Variants in PDE4D observed in about 807,000 individuals in gnomAD.
PDE4D encodes the protein phosphodiesterase 4D, also known as 3',5'-cyclic-AMP phosphodiesterase 4D.
PDE4D carries 24 observed loss-of-function variants against 87.4 expected under a neutral mutation model. The observed-to-expected ratio is 0.27, with a 90% confidence interval of 0.20 to 0.39. PDE4D has a LOEUF of 0.39. Ranked by LOEUF, PDE4D falls within the 10% of genes least tolerant of loss-of-function variation. PDE4D has a pLI of 1.00. For missense variants in PDE4D, 714 were observed against 1,041.0 expected (o/e 0.69, Z 4.32); for synonymous variants, 384 against 383.2 (o/e 1.00, Z -0.02).
At chr5:59,220,703 T>C (rs1210180517) in intron 1 of PDE4D, among the ~76,000 whole-genome samples, 1 of 151,958 alleles carries the variant, frequency 6.6e-6, no homozygotes, top group African/African-American at 2.4e-5. Flanking sequence ...ATTTTATCAA[T>C]AGTCCACATC....
intron 1 of PDE4D, among the ~76,000 whole-genome samples, chr5:59,365,762 T>C (rs1782942933): frequency 6.6e-6 from 1 of 152,266 alleles, no homozygotes; most frequent in South Asian, 2.1e-4. Context: ...CCAGCAAGAA[T>C]CTTACCTCGG....
At chr5:59,180,762 C>T (rs892788224) in intron 4 of PDE4D, 118 bp from the exon 5 acceptor site, 55 of 969,210 alleles carry the variant, frequency 5.7e-5, no homozygotes, top group African/African-American at 4.7e-4. Flanking sequence ...AGTTTGGACA[C>T]GCAAATGATT....
intron 5 of PDE4D, among the ~76,000 whole-genome samples, chr5:59,098,697 CAAAA>C (rs3061415): frequency 2.5e-4 from 17 of 66,994 alleles, no homozygotes; most frequent in African/African-American, 1.0e-3. Flanking sequence ...GAGAAAGACT[CAAAA>C]AAAAAAAAAA....
intron 1 of PDE4D, among the ~76,000 whole-genome samples, chr5:59,368,507 G>A (rs938484237): frequency 2.0e-5 from 3 of 152,152 alleles, no homozygotes; most frequent in African/African-American, 7.2e-5. Context: ...AAGAATTAGA[G>A]ACATTTGGTG....
chr5:60,023,142 A>G (rs903272722), intron 2 of PDE4D, among the ~76,000 whole-genome samples: 5 of 152,164 alleles, frequency 3.3e-5, no homozygotes, highest in African/African-American at 7.2e-5. Context: ...CAAAATATGA[A>G]TAATAATAGC....
intron 5 of PDE4D, among the ~76,000 whole-genome samples, chr5:59,152,068 A>G (rs1449501865): frequency 6.6e-6 from 1 of 152,190 alleles, no homozygotes; most frequent in Non-Finnish European, 1.5e-5. Flanking sequence ...TGGAATCTGA[A>G]ATATAACTGC....
chr5:60,230,985 T>G (rs1309492106), intron 1 of PDE4D, among the ~76,000 whole-genome samples: 2 of 152,084 alleles, frequency 1.3e-5, no homozygotes, highest in Admixed American at 1.3e-4. Context: ...ACATGGAGAA[T>G]GCAGTGATGA....
At chr5:59,262,491 G>C (rs1365679146) in intron 1 of PDE4D, among the ~76,000 whole-genome samples, 1 of 151,622 alleles carries the variant, frequency 6.6e-6, no homozygotes, top group East Asian at 1.9e-4. Flanking sequence ...AAGTCTGGGA[G>C]TGTGGTAAAG....
At chr5:60,127,715 A>C in intron 2 of PDE4D, 1 of 574,506 alleles carries the variant, frequency 1.7e-6, no homozygotes, top group Non-Finnish European at 3.1e-6. Flanking sequence ...AGTTTTGGAT[A>C]TTTTGGATCT....
At chr5:60,064,208 ACG>A (rs1202038590) in intron 2 of PDE4D, among the ~76,000 whole-genome samples, 13 of 152,152 alleles carry the variant, frequency 8.5e-5, no homozygotes, top group African/African-American at 3.1e-4. Flanking sequence ...GTTAATACTT[ACG>A]GAGGGTTTAC....
intron 2 of PDE4D, among the ~76,000 whole-genome samples, chr5:60,152,479 C>T (rs1475715024): frequency 2.0e-5 from 3 of 151,878 alleles, no homozygotes; most frequent in South Asian, 2.1e-4. Flanking sequence ...TGGTGAAACC[C>T]CATCTCTACT....
intron 1 of PDE4D, among the ~76,000 whole-genome samples, chr5:59,515,733 T>A (rs566429473): frequency 5.9e-5 from 9 of 152,160 alleles, no homozygotes; most frequent in Non-Finnish European, 1.0e-4. Flanking sequence ...AAAAAATGTA[T>A]AAGATCTTCG....
chr5:60,498,768 C>A (rs572257144), intron 1 of PDE4D, among the ~76,000 whole-genome samples: 3 of 152,116 alleles, frequency 2.0e-5, no homozygotes, highest in African/African-American at 4.8e-5. Context: ...CAATTCCAGG[C>A]TCTGAGCTAA....
intron 1 of PDE4D, among the ~76,000 whole-genome samples, chr5:60,502,520 T>G (rs1292780096): frequency 2.0e-5 from 3 of 152,176 alleles, no homozygotes; most frequent in Non-Finnish European, 2.9e-5. Flanking sequence ...TTTAAAGTAG[T>G]TTTTTCCAAT....
chr5:59,203,946 G>C (rs1239521477), intron 2 of PDE4D, among the ~76,000 whole-genome samples: 2 of 152,060 alleles, frequency 1.3e-5, no homozygotes, highest in Admixed American at 6.6e-5. Flanking sequence ...TACTGTACAG[G>C]CTGGTGACTA....
intron 1 of PDE4D, among the ~76,000 whole-genome samples, chr5:60,421,522 A>G (rs1048463137): frequency 7.9e-5 from 12 of 152,222 alleles, no homozygotes; most frequent in Non-Finnish European, 1.3e-4. Flanking sequence ...CATCCACACC[A>G]AAACCCCATC....
intron 1 of PDE4D, among the ~76,000 whole-genome samples, chr5:60,464,943 T>G (rs1020057586): frequency 1.3e-5 from 2 of 151,660 alleles, no homozygotes; most frequent in African/African-American, 4.8e-5. Flanking sequence ...CTCTATAAAC[T>G]TTTTTTTGTT....
At chr5:60,224,623 G>A (rs1412905492) in intron 1 of PDE4D, among the ~76,000 whole-genome samples, 3 of 152,068 alleles carry the variant, frequency 2.0e-5, no homozygotes, top group Non-Finnish European at 4.4e-5. Flanking sequence ...CCAGCAGCAT[G>A]GTCAGACTTG....
At chr5:60,013,052 CT>C (rs1561978945) in intron 2 of PDE4D, among the ~76,000 whole-genome samples, 1 of 152,172 alleles carries the variant, frequency 6.6e-6, no homozygotes. Flanking sequence ...GATTTCTTGC[CT>C]GTGTCCCTGA....
Sources: gnomAD v4.1 joint callset for allele counts (sites outside exome capture counted in the v4.1 genomes callset) on GRCh38, gnomAD v4.1.1 for gene constraint, MANE v1.5 for transcripts, NCBI Gene and HGNC (gene_info 2026-07-23, HGNC 2026-07-21) for gene names.